Variants in SDK1 observed in about 807,000 individuals in gnomAD.
The protein encoded by SDK1 is protein sidekick-1.
SDK1 carries 157 observed loss-of-function variants against 245.5 expected under a neutral mutation model. The ratio of observed to expected loss-of-function variants is 0.64; its 90% CI spans 0.56 to 0.73. The LOEUF is 0.73. SDK1 is among the 30% of genes least tolerant of loss of function. The probability of loss-of-function intolerance (pLI) is 0.00; values close to 1 mark genes in which losing one functional copy is unlikely to be tolerated. For synonymous variants in SDK1, 1,647 were observed against 1,278.5 expected (o/e 1.29, Z -6.15); for missense variants, 3,583 against 3,002.3 (o/e 1.19, Z -4.52).
chr7:3,667,004 T>C (rs1175693448), intron 4 of SDK1, among the ~76,000 whole-genome samples: 2 of 152,136 alleles, frequency 1.3e-5, no homozygotes, highest in African/African-American at 4.8e-5. Flanking sequence ...TTTTGGGGTG[T>C]TCTTACGGTT....
chr7:3,811,328 A>T (rs373860643), intron 4 of SDK1, among the ~76,000 whole-genome samples: 2 of 152,156 alleles, frequency 1.3e-5, no homozygotes, highest in African/African-American at 4.8e-5. Flanking sequence ...GGGCCTCTCT[A>T]TATTAAGACA....
intron 21 of SDK1, 93 bp downstream of exon 21, chr7:4,077,282 C>T: frequency 2.4e-6 from 3 of 1,259,518 alleles, no homozygotes; most frequent in Non-Finnish European, 3.3e-6. Context: ...GTGGAAGCCA[C>T]TGAGTGCCTT....
At chr7:3,872,837 G>A (rs570287503) in intron 5 of SDK1, among the ~76,000 whole-genome samples, 8 of 152,012 alleles carry the variant, frequency 5.3e-5, no homozygotes, top group South Asian at 4.2e-4. Flanking sequence ...TGCTTCACAC[G>A]GAGTATAAGG....
chr7:3,864,406 CA>C (rs1255631101), intron 5 of SDK1, among the ~76,000 whole-genome samples: 1 of 152,188 alleles, frequency 6.6e-6, no homozygotes, highest in East Asian at 1.9e-4. Flanking sequence ...GGCAGAGATT[CA>C]GTAAACTGTC....
chr7:3,368,148 C>A (rs920799283), intron 1 of SDK1, among the ~76,000 whole-genome samples: 15 of 152,150 alleles, frequency 9.9e-5, no homozygotes, highest in African/African-American at 3.6e-4. Flanking sequence ...ATAATGGCAT[C>A]TGTGAATAAG....
At chr7:4,204,846 C>CA (rs2128226798) in intron 35 of SDK1, among the ~76,000 whole-genome samples, 1 of 152,282 alleles carries the variant, frequency 6.6e-6, no homozygotes, top group African/African-American at 2.4e-5. Context: ...AATAGGCCGT[C>CA]AAGAGAAAGT....
chr7:3,989,360 C>A (rs1784117548), intron 14 of SDK1, among the ~76,000 whole-genome samples: 1 of 152,124 alleles, frequency 6.6e-6, no homozygotes, highest in Admixed American at 6.5e-5. Context: ...GAGACCTGCC[C>A]CCATGATCCA....
At chr7:3,993,017 G>A (rs1239667890) in intron 14 of SDK1, among the ~76,000 whole-genome samples, 7 of 152,124 alleles carry the variant, frequency 4.6e-5, no homozygotes, top group Admixed American at 4.6e-4. Flanking sequence ...TGATACAGTT[G>A]AAACGTCTTA....
At position 3,539,728 on chromosome 7, in the gene SDK1, G is replaced by A. The variant is rs575563450; in HGVS notation, c.299-79352G>A. 2.0e-5 allele frequency among the ~76,000 whole-genome samples: 3 copies of A among 152,362 alleles called. No homozygotes were observed. In the East Asian group the frequency reaches 5.8e-4, roughly 29 times the overall value. On this transcript the variant is annotated intron_variant, in intron 1 of 44. Transcript: ENST00000404826. ...ATGGCAGTCATCCACATCAGGGTGAGTAGTGGAAATGAATGAGGTTAGGAA... is the reference window on the plus strand; with the variant it reads ...ATGGCAGTCATCCACATCAGGGTGAATAGTGGAAATGAATGAGGTTAGGAA...
At chr7:4,233,194 G>T in intron 40 of SDK1, 61 bp from the exon 41 acceptor site, 2 of 1,529,138 alleles carry the variant, frequency 1.3e-6, no homozygotes, top group Non-Finnish European at 1.8e-6. Flanking sequence ...AGGTGCATGG[G>T]GCTCGCATCT....
chr7:3,693,585 T>C (rs1784492102), intron 4 of SDK1, among the ~76,000 whole-genome samples: 2 of 152,222 alleles, frequency 1.3e-5, no homozygotes, highest in African/African-American at 4.8e-5. Context: ...CCATGTTTTT[T>C]GTGTGGCTAG....
At chr7:3,413,933 A>G (rs116241453) in intron 1 of SDK1, among the ~76,000 whole-genome samples, 318 of 152,284 alleles carry the variant, frequency 2.1e-3, no homozygotes, top group African/African-American at 7.0e-3. Context: ...TGATTGCACC[A>G]TTGCACTTAA....
At chr7:4,234,313 G>C (rs1189244213) in intron 41 of SDK1, among the ~76,000 whole-genome samples, 3 of 152,108 alleles carry the variant, frequency 2.0e-5, no homozygotes. Context: ...CCTGGGTCCA[G>C]GTCCAGGTCT....
At chr7:3,403,398 A>G (rs551652574) in intron 1 of SDK1, among the ~76,000 whole-genome samples, 1 of 152,198 alleles carries the variant, frequency 6.6e-6, no homozygotes, top group South Asian at 2.1e-4. Flanking sequence ...GTTAGTTATT[A>G]TTGCTCATTT....
At chr7:3,397,626 A>G (rs576588656) in intron 1 of SDK1, among the ~76,000 whole-genome samples, 3 of 151,780 alleles carry the variant, frequency 2.0e-5, no homozygotes, top group Non-Finnish European at 4.4e-5. Flanking sequence ...GTCTTTGAAC[A>G]TTTTGTCTTA....
intron 1 of SDK1, among the ~76,000 whole-genome samples, chr7:3,530,892 CCATAGGTCAAGT>C (rs1435970914): frequency 3.3e-5 from 5 of 152,112 alleles, no homozygotes; most frequent in African/African-American, 2.4e-5. Flanking sequence ...CCACAAGTAT[CCATAGGTCAAGT>C]CTAAATATCA....
At chr7:4,079,229 T>A (rs991059547) in intron 21 of SDK1, among the ~76,000 whole-genome samples, 2 of 152,206 alleles carry the variant, frequency 1.3e-5, no homozygotes, top group African/African-American at 4.8e-5. Flanking sequence ...GGAGGCCATG[T>A]TAGCGACGTG....
intron 4 of SDK1, among the ~76,000 whole-genome samples, chr7:3,798,012 T>G (rs1779006403): frequency 6.6e-6 from 1 of 152,124 alleles, no homozygotes; most frequent in Non-Finnish European, 1.5e-5. Flanking sequence ...GTTAACATCT[T>G]ACATGACCCT....
chr7:3,307,128 T>G (rs1779435866), intron 1 of SDK1, among the ~76,000 whole-genome samples: 1 of 152,200 alleles, frequency 6.6e-6, no homozygotes, highest in Non-Finnish European at 1.5e-5. Context: ...AATTATACAT[T>G]TAACCCAAAG....
Sources: gnomAD v4.1 joint callset for allele counts (sites outside exome capture counted in the v4.1 genomes callset) on GRCh38, gnomAD v4.1.1 for gene constraint, MANE v1.5 for transcripts, NCBI Gene and HGNC (gene_info 2026-07-23, HGNC 2026-07-21) for gene names.